The following BLVRA variants were observed in gnomAD, a reference collection of about 807,000 sequenced individuals.
The protein encoded by BLVRA is biliverdin reductase A.
Under a neutral mutation model 32.8 loss-of-function variants are expected in BLVRA, and 22 were observed. The observed-to-expected ratio is 0.67, with a 90% CI of 0.48 to 0.96. The LOEUF (loss-of-function observed/expected upper bound fraction) is 0.96, where lower values mean the gene tolerates loss of function less well. BLVRA is among the 40% of genes least tolerant of loss of function. The probability of loss-of-function intolerance (pLI) is 0.00; values close to 1 mark genes in which losing one functional copy is unlikely to be tolerated. For synonymous variants in BLVRA, 119 were observed against 141.3 expected (o/e 0.84, Z 1.12); for missense variants, 323 against 358.1 (o/e 0.90, Z 0.79).
Position 43,803,993 on chromosome 7 carries a change from T to A in BLVRA, c.632+146T>A, listed in dbSNP as rs146464668. 4.2e-4 allele frequency: 386 copies of A among 915,902 alleles called. 1 individual carries two copies. The African/African-American group carries it at 5.2e-3, about 12-fold the overall frequency. The allele number at this position is 915,902 out of a possible 1,614,324, so 56.7% of individuals were successfully genotyped here. ...TGCTTCTGCAGATGGAGTGCTGAGA[T>A]TGCACTTGTGTTGCCTCATCTCATC... On this transcript the variant is annotated intron_variant, in intron 7 of 7. Transcript: ENST00000265523.
At chr7:43,768,198 T>G (rs1258836652) in intron 1 of BLVRA, among the ~76,000 whole-genome samples, 1 of 152,204 alleles carries the variant, frequency 6.6e-6, no homozygotes, top group Non-Finnish European at 1.5e-5. Flanking sequence ...TTACCTGAAT[T>G]TCCTTTTCTG....
At chr7:43,801,227 G>A (rs981776220) in intron 6 of BLVRA, among the ~76,000 whole-genome samples, 2 of 152,094 alleles carry the variant, frequency 1.3e-5, no homozygotes, top group Non-Finnish European at 2.9e-5. Context: ...AAACTCCTGG[G>A]CTCAAGTGAT....
At chr7:43,804,585 A>G (rs2095802173) in intron 7 of BLVRA, among the ~76,000 whole-genome samples, 1 of 152,216 alleles carries the variant, frequency 6.6e-6, no homozygotes, top group African/African-American at 2.4e-5. Flanking sequence ...AGACCCTGCC[A>G]TTAACACTGT....
chr7:43,783,366 C>T (rs990980613), intron 2 of BLVRA, among the ~76,000 whole-genome samples: 1 of 152,050 alleles, frequency 6.6e-6, no homozygotes, highest in Non-Finnish European at 1.5e-5. Flanking sequence ...TGGCTACCAC[C>T]CCTCCTGTTA....
At chr7:43,803,527 C>A (rs113975947) in intron 6 of BLVRA, 149 bp from the exon 7 acceptor site, 2 of 831,890 alleles carry the variant, frequency 2.4e-6, no homozygotes, top group Middle Eastern at 3.6e-4. Context: ...TCATTAATCA[C>A]GTTGCCTGCC....
intron 4 of BLVRA, among the ~76,000 whole-genome samples, chr7:43,792,163 C>T (rs956780881): frequency 5.3e-5 from 8 of 152,182 alleles, no homozygotes; most frequent in Admixed American, 2.0e-4. Flanking sequence ...TTATCCTCCA[C>T]GGCCTGTAGT....
rs1181812235 is a variant in BLVRA at position 43,800,575 on chromosome 7, C to T, written c.460+3C>T. ...GAAAGGGTCGCTCCTCTTCACAGGT[C>T]AGTGCTACGTGGGATCACAGGTCAC... is the stretch of plus-strand genomic sequence containing the variant. On this transcript the variant is annotated splice_donor_region_variant and intron_variant, in intron 6 of 7. Coordinates refer to ENST00000265523, the MANE Select transcript of BLVRA (RefSeq NM_000712.4). 6.2e-7 allele frequency: 1 copy of T among 1,613,094 alleles called. No individual in the cohort carries two copies. The highest frequency in any genetic ancestry group is 8.5e-7 in the Non-Finnish European group (1 of 1,179,208).
chr7:43,767,458 C>T lies in BLVRA; in HGVS notation c.-21-3680C>T, dbSNP rs141472991. 5.1e-4 allele frequency: 750 copies of T among 1,482,498 alleles called. 5 individuals carry two copies. The African/African-American group carries it at 9.3e-3, about 18-fold the overall frequency. 91.8% of individuals were successfully genotyped at this position (1,482,498 alleles called of 1,614,324 possible). On this transcript the variant is annotated intron_variant, in intron 1 of 7. Coordinates refer to ENST00000265523, the MANE Select transcript of BLVRA (RefSeq NM_000712.4). ...CAACTAAATCTTATATATCTGGAGG[C>T]GCCCTTGGGATATCCAATAAGGACA...
rs2095785376 is a variant in BLVRA at position 43,791,122 on chromosome 7, G to T, written c.135-127G>T. 8 of 1,509,014 alleles carry T rather than the reference G, an allele frequency of 5.3e-6. No individual in the cohort carries two copies. The South Asian group carries it at 8.7e-5, about 16-fold the overall frequency. 93.5% of individuals were successfully genotyped at this position (1,509,014 alleles called of 1,614,324 possible). ...ACAATGGAAAATAGCCTGGAAGTGG[G>T]AGAGAAGAAACTCATTTCTTCATTT... On this transcript the variant is annotated intron_variant, in intron 3 of 7. Coordinates refer to ENST00000265523, the MANE Select transcript of BLVRA (RefSeq NM_000712.4).
At chr7:43,774,248 T>A (rs1470572201) in intron 2 of BLVRA, among the ~76,000 whole-genome samples, 1 of 152,378 alleles carries the variant, frequency 6.6e-6, no homozygotes, top group East Asian at 1.9e-4. Context: ...GCCTAGGTTT[T>A]CTTCTAGGGT....
intron 4 of BLVRA, 145 bp from the exon 5 acceptor site, chr7:43,792,570 T>A: frequency 1.3e-6 from 1 of 742,904 alleles, no homozygotes; most frequent in East Asian, 2.7e-5. Context: ...CCATATCCCG[T>A]GGCACTGACT....
intron 1 of BLVRA, chr7:43,767,428 T>A: frequency 6.3e-7 from 1 of 1,576,914 alleles, no homozygotes; most frequent in Admixed American, 1.7e-5. Flanking sequence ...GTTATTTATA[T>A]TTCACAACTA....
chr7:43,769,763 C>T (rs759955429), intron 1 of BLVRA, among the ~76,000 whole-genome samples: 2 of 152,164 alleles, frequency 1.3e-5, no homozygotes, highest in Non-Finnish European at 2.9e-5. Flanking sequence ...CATGCGCCAC[C>T]ACACCCGGCT....
chr7:43,766,553 T>C (rs1366277724), intron 1 of BLVRA, among the ~76,000 whole-genome samples: 3 of 152,220 alleles, frequency 2.0e-5, no homozygotes, highest in African/African-American at 7.2e-5. Flanking sequence ...TCCTTGATTC[T>C]GTTCAGAGTT....
At chr7:43,788,065 G>A in intron 3 of BLVRA, 40 bp downstream of exon 3, 1 of 1,614,146 alleles carries the variant, frequency 6.2e-7, no homozygotes, top group Non-Finnish European at 8.5e-7. Flanking sequence ...TTCATGGAAA[G>A]CCCAGTGAGG....
intron 4 of BLVRA, 66 bp from the exon 5 acceptor site, chr7:43,792,649 A>T: frequency 7.0e-7 from 1 of 1,426,338 alleles, no homozygotes; most frequent in Non-Finnish European, 9.8e-7. Flanking sequence ...GTTCTCTATT[A>T]TGCAGAGCAT....
intron 5 of BLVRA, among the ~76,000 whole-genome samples, chr7:43,795,180 T>C (rs1322859859): frequency 6.6e-6 from 1 of 151,946 alleles, no homozygotes; most frequent in East Asian, 1.9e-4. Flanking sequence ...CATTGCACTT[T>C]AGCCTGGGCG....
intron 1 of BLVRA, among the ~76,000 whole-genome samples, chr7:43,761,404 A>G (rs2095742116): frequency 1.3e-5 from 2 of 152,366 alleles, no homozygotes; most frequent in South Asian, 4.1e-4. Context: ...TGCTATATTT[A>G]ATTAATTTAT....
At position 43,787,826 on chromosome 7, in the gene BLVRA, G is replaced by A; in HGVS notation, c.13-78G>A. The A allele has an allele frequency of 1.9e-6, 3 of 1,611,296 alleles. No individual in the cohort carries two copies. The highest frequency in any genetic ancestry group is 2.2e-5 in the South Asian group (2 of 91,014). On this transcript the variant is annotated intron_variant, in intron 2 of 7. Coordinates refer to ENST00000265523, the MANE Select transcript of BLVRA (RefSeq NM_000712.4). The surrounding 1 kb of genome is among the most constrained non-coding windows in gnomAD (Gnocchi z 4.5). ...CTTCCATCTTGCTCGTCGGGACCCT[G>A]CCAGCTCCTTTGTTTTGTAGTTTTC... is the stretch of plus-strand genomic sequence containing the variant.
Sources: gnomAD v4.1 joint callset for allele counts (sites outside exome capture counted in the v4.1 genomes callset) on GRCh38, gnomAD v4.1.1 for gene constraint, Gnocchi (gnomAD v3.1) non-coding constraint, MANE v1.5 for transcripts, NCBI Gene and HGNC (gene_info 2026-07-23, HGNC 2026-07-21) for gene names.